The following PCDHA3 variants were observed in gnomAD, a reference collection of about 807,000 sequenced individuals.
PCDHA3 encodes the protein protocadherin alpha 3, also known as protocadherin alpha-3.
Under a neutral mutation model 62.2 loss-of-function variants are expected in PCDHA3, and 41 were observed. That is an observed-to-expected ratio of 0.66 (90% CI 0.51 to 0.86). The LOEUF (loss-of-function observed/expected upper bound fraction) is 0.86. Ranked by LOEUF, PCDHA3 falls within the 40% of genes least tolerant of loss-of-function variation. PCDHA3 has a pLI of 0.00. For missense variants in PCDHA3, 1,304 were observed against 1,241.2 expected (o/e 1.05, Z -0.76); for synonymous variants, 640 against 555.4 (o/e 1.15, Z -2.14).
intron 1 of PCDHA3, chr5:140,809,655 A>G (rs1554125339): frequency 3.4e-6 from 5 of 1,490,700 alleles, no homozygotes; most frequent in Non-Finnish European, 4.5e-6. Context: ...TAAGAGTCAA[A>G]TTTCCCTGGG....
chr5:140,996,136 C>A (rs1484642740), intron 3 of PCDHA3, among the ~76,000 whole-genome samples: 1 of 152,104 alleles, frequency 6.6e-6, no homozygotes, highest in African/African-American at 2.4e-5. Context: ...GAGGGTTCTC[C>A]CATTATCTTG....
In PCDHA3 at chr5:140,848,822, C is replaced by T. The variant is rs2150421511; in HGVS notation, c.2394+45231C>T. The T allele has an allele frequency of 1.9e-6, 3 of 1,590,462 alleles. 1 individual carries two copies. The highest frequency in any genetic ancestry group is 3.4e-5 in the Admixed American group (2 of 58,802). ...AGTGCAGCATCCACCTGGAGGTGATCGTAGACAGGCCGCTGCAGGTTTTCC... is the reference window on the plus strand; with the variant it reads ...AGTGCAGCATCCACCTGGAGGTGATTGTAGACAGGCCGCTGCAGGTTTTCC... On this transcript the variant is annotated intron_variant, in intron 1 of 3. Transcript: ENST00000522353.
intron 1 of PCDHA3, among the ~76,000 whole-genome samples, chr5:140,971,183 G>C (rs1471489236): frequency 1.3e-5 from 2 of 152,170 alleles, no homozygotes; most frequent in African/African-American, 4.8e-5. Flanking sequence ...CTGTAAGCCG[G>C]AAGCTCAGAG....
chr5:140,989,085 C>T (rs1481898269), intron 3 of PCDHA3: 7 of 152,258 alleles, frequency 4.6e-5, no homozygotes, highest in Non-Finnish European at 7.4e-5. Context: ...CTCTGAAAAC[C>T]TTGTCAGGAG....
intron 1 of PCDHA3, chr5:140,869,034 T>C (rs1441426453): frequency 5.2e-6 from 8 of 1,527,468 alleles, no homozygotes. Flanking sequence ...ACGAGATTTT[T>C]AACCTGAAAC....
chr5:140,842,242 T>A (rs1358378131), intron 1 of PCDHA3: 2 of 1,612,266 alleles, frequency 1.2e-6, no homozygotes, highest in Non-Finnish European at 1.7e-6. Flanking sequence ...TTCGGGGTAA[T>A]TTGGATTTTG....
chr5:140,851,840 T>G, intron 1 of PCDHA3: 1 of 970,530 alleles, frequency 1.0e-6, no homozygotes, highest in South Asian at 4.8e-5. Context: ...TAAAAATATC[T>G]TTTTCTCCTC....
In PCDHA3 at chr5:140,802,790, G is replaced by T. The variant is rs1763026014; in HGVS notation, c.1593G>T (p.Leu531=). The T allele has an allele frequency of 6.2e-7, 1 of 1,613,270 alleles. No individual in the cohort carries two copies. Among genetic ancestry groups the T allele is most frequent in the African/African-American group, 1.3e-5 (1 of 74,912 alleles). Residue 531 remains leucine, a synonymous_variant, in exon 1 of 4, where the codon CTG becomes CTT. Coordinates refer to ENST00000522353, the MANE Select transcript of PCDHA3 (RefSeq NM_018906.3). The part of the protein sequence containing the change: ...QPLDHEELEL[L]QFQVSARDAG... The stretch of plus-strand genomic sequence containing the variant: ...TGGACCACGAGGAGCTAGAGCTGCT[G>T]CAGTTCCAGGTGAGTGCGCGCGATG...
chr5:140,893,863 A>G (rs568224949), intron 1 of PCDHA3, among the ~76,000 whole-genome samples: 1 of 152,300 alleles, frequency 6.6e-6, no homozygotes, highest in African/African-American at 2.4e-5. Context: ...GTATAGAAAC[A>G]ACCCAGATCC....
chr5:140,969,076 T>C, intron 1 of PCDHA3: 2 of 1,614,162 alleles, frequency 1.2e-6, no homozygotes, highest in South Asian at 2.2e-5. Flanking sequence ...GGATACCGCA[T>C]GGCCTCAAAG....
chr5:141,000,416 TATA>T lies in PCDHA3; in HGVS notation c.2543-9210_2543-9208del, dbSNP rs1254571264. Among the ~76,000 whole-genome samples the T allele has an allele frequency of 5.1e-3, 472 of 93,246 alleles. 2 individuals carry two copies. Among genetic ancestry groups the T allele is most frequent in the Non-Finnish European group, 6.8e-3 (330 of 48,634 alleles). 61.2% of individuals were successfully genotyped at this position (93,246 alleles called of 152,430 possible). On this transcript the variant is annotated intron_variant, in intron 3 of 3. Transcript: ENST00000522353. ...CTCTCTATATATATATATATATATA[TATA>T]TATTTTTTTTTTTTTTTTTTTTTTT...
chr5:140,801,159 T>C lies in PCDHA3; in HGVS notation c.-39T>C. The stretch of plus-strand genomic sequence containing the variant: ...ACTCGAATTATTTTTAAACTTTGGA[T>C]CAATGTAAAGGCAATCTAATATTTG... On this transcript the variant is annotated 5_prime_UTR_variant, in exon 1 of 4. Coordinates refer to ENST00000522353, the MANE Select transcript of PCDHA3 (RefSeq NM_018906.3). The C allele has an allele frequency of 6.5e-7, 1 of 1,535,928 alleles. No homozygotes were observed. Among genetic ancestry groups the C allele is most frequent in the Non-Finnish European group, 8.7e-7 (1 of 1,145,024 alleles).
intron 1 of PCDHA3, chr5:140,807,857 G>T (rs782193088): frequency 6.8e-6 from 11 of 1,614,030 alleles, no homozygotes; most frequent in Non-Finnish European, 7.6e-6. Flanking sequence ...CGAGTTGACT[G>T]GCACCGTTCA....
chr5:140,860,192 C>CATATATATATATATATATATATATATAT (rs143984774), intron 1 of PCDHA3: 29 of 146,842 alleles, frequency 2.0e-4, no homozygotes, highest in South Asian at 1.3e-3. Context: ...GCTCTCCTTA[C>CATATATATATATATATATATATATATAT]ATATATATCT....
At position 140,843,439 on chromosome 5, in the gene PCDHA3, G is replaced by C. The variant is rs2150360020; in HGVS notation, c.2394+39848G>C. On this transcript the variant is annotated intron_variant, in intron 1 of 3. Transcript: ENST00000522353. The stretch of plus-strand genomic sequence containing the variant: ...TGTACCTGATCATCGCCATCTGCGC[G>C]GTATCCAGCCTGCTGGTGCTCACGC... The C allele has an allele frequency of 5.1e-5, 82 of 1,595,976 alleles. 7 individuals carry two copies. In the South Asian group the frequency reaches 8.6e-4, roughly 17 times the overall value.
At chr5:140,850,178 T>G in intron 1 of PCDHA3, 1 of 1,593,294 alleles carries the variant, frequency 6.3e-7, no homozygotes, top group Non-Finnish European at 8.6e-7. Flanking sequence ...AGAACGACAA[T>G]GCGCCGGCGC....
chr5:140,997,820 T>C (rs2097787131), intron 3 of PCDHA3, among the ~76,000 whole-genome samples: 1 of 152,170 alleles, frequency 6.6e-6, no homozygotes. Flanking sequence ...GGTATCTATG[T>C]TTTCTAAACA....
At chr5:140,969,439 T>C (rs1554231802) in intron 1 of PCDHA3, 2 of 1,546,634 alleles carry the variant, frequency 1.3e-6, no homozygotes, top group Admixed American at 3.9e-5. Context: ...AAGAGTTATC[T>C]GGTAAACTGA....
At position 140,976,923 on chromosome 5, in the gene PCDHA3, C is replaced by T. The variant is rs2096737530; in HGVS notation, c.2395-2026C>T. Among the ~76,000 whole-genome samples the T allele has an allele frequency of 2.0e-5, 3 of 152,236 alleles. No individual in the cohort carries two copies. The South Asian group carries it at 6.2e-4, about 32-fold the overall frequency. On this transcript the variant is annotated intron_variant, in intron 1 of 3. Transcript: ENST00000522353. The stretch of plus-strand genomic sequence containing the variant: ...ATGTAATAAAGTGCAAAATCTAGTA[C>T]TGTGTAGCTACTTAAAACATATTAT...
Sources: gnomAD v4.1 joint callset for allele counts (sites outside exome capture counted in the v4.1 genomes callset) on GRCh38, gnomAD v4.1.1 for gene constraint, MANE v1.5 for transcripts, NCBI Gene and HGNC (gene_info 2026-07-23, HGNC 2026-07-21) for gene names.